The following FAM20B variants were observed in gnomAD, a reference collection of about 807,000 sequenced individuals.
The protein encoded by FAM20B is glycosaminoglycan xylosylkinase.
In FAM20B, 23 loss-of-function variants were observed where a neutral mutation model predicts 43.8. That is an observed-to-expected ratio of 0.53 (90% CI 0.38 to 0.74). FAM20B has a LOEUF of 0.74. Ranked by LOEUF, FAM20B falls within the 30% of genes least tolerant of loss-of-function variation. The pLI is 0.00. For missense variants in FAM20B, 440 were observed against 510.5 expected (o/e 0.86, Z 1.33); for synonymous variants, 178 against 192.4 (o/e 0.93, Z 0.62).
At chr1:179,070,321 C>T (rs1651864814) in intron 7 of FAM20B, among the ~76,000 whole-genome samples, 1 of 152,116 alleles carries the variant, frequency 6.6e-6, no homozygotes, top group African/African-American at 2.4e-5. Flanking sequence ...GCTGGGATTA[C>T]AGGCATGAGC....
chr1:179,048,386 T>C (rs1557872574), intron 2 of FAM20B, among the ~76,000 whole-genome samples: 1 of 152,214 alleles, frequency 6.6e-6, no homozygotes. Context: ...ATTCCTTTTC[T>C]CTTCCCTCCA....
At chr1:179,046,961 C>T (rs906292327) in intron 2 of FAM20B, among the ~76,000 whole-genome samples, 3 of 152,166 alleles carry the variant, frequency 2.0e-5, no homozygotes, top group African/African-American at 7.2e-5. Flanking sequence ...CGCCATTGCA[C>T]TCCAGCCTGG....
At chr1:179,051,748 A>G (rs1041930662) in intron 3 of FAM20B, among the ~76,000 whole-genome samples, 1 of 152,114 alleles carries the variant, frequency 6.6e-6, no homozygotes, top group African/African-American at 2.4e-5. Flanking sequence ...CTGGGTTCAA[A>G]CAGTTATCCT....
chr1:179,064,523 A>G, intron 6 of FAM20B, 27 bp downstream of exon 6: 1 of 1,572,788 alleles, frequency 6.4e-7, no homozygotes, highest in East Asian at 2.3e-5. Context: ...TGTCCTTGTC[A>G]GGGAGGGGTT....
At chr1:179,027,192 A>G (rs1649824036) in intron 1 of FAM20B, among the ~76,000 whole-genome samples, 1 of 152,192 alleles carries the variant, frequency 6.6e-6, no homozygotes, top group African/African-American at 2.4e-5. Context: ...ATAAATCTAT[A>G]ATCTGGTACA....
intron 1 of FAM20B, among the ~76,000 whole-genome samples, chr1:179,032,003 G>C (rs946421529): frequency 6.6e-6 from 1 of 152,100 alleles, no homozygotes; most frequent in African/African-American, 2.4e-5. Context: ...TGCTTTGCAT[G>C]ACACTCACTC....
Position 179,073,979 on chromosome 1 carries a change from G to A in FAM20B, c.*1835G>A, listed in dbSNP as rs921574637. On this transcript the variant is annotated 3_prime_UTR_variant, in exon 8 of 8. Coordinates refer to ENST00000263733, the MANE Select transcript of FAM20B (RefSeq NM_014864.4). ...CTTTGCATTTCTGTCAAGTAGAGGC[G>A]AATATATAAACAGTGTGGTTGAATA... The A allele has an allele frequency of 1.3e-5, 2 of 152,248 alleles. No individual in the cohort carries two copies. Among genetic ancestry groups the A allele is most frequent in the African/African-American group, 2.4e-5 (1 of 41,434 alleles). The allele number at this position is 152,248 out of a possible 1,614,324, so 9.4% of individuals were successfully genotyped here.
Position 179,072,203 on chromosome 1 carries a change from A to T in FAM20B, c.*59A>T. The stretch of plus-strand genomic sequence containing the variant: ...CAAAGATAGAGAAACAGCACAATCA[A>T]TTCCAAATGGTATGAGATGGATTGG... On this transcript the variant is annotated 3_prime_UTR_variant, in exon 8 of 8. Transcript: ENST00000263733. 1 of 1,343,144 alleles carries T rather than the reference A, an allele frequency of 7.4e-7. No homozygotes were observed. 83.2% of individuals were successfully genotyped at this position (1,343,144 alleles called of 1,614,324 possible). A position where few individuals can be genotyped will look rare whatever the true frequency, so the allele number is the denominator to read the frequency against.
chr1:179,065,801 G>A (rs1187200588), intron 6 of FAM20B, among the ~76,000 whole-genome samples: 2 of 152,158 alleles, frequency 1.3e-5, no homozygotes, highest in Non-Finnish European at 2.9e-5. Flanking sequence ...CCCTTAGACT[G>A]GGTAATTCAT....
At chr1:179,050,448 A>G in intron 3 of FAM20B, 83 bp downstream of exon 3, 1 of 891,890 alleles carries the variant, frequency 1.1e-6, no homozygotes, top group Non-Finnish European at 1.9e-6. Context: ...CTCCTTCAGA[A>G]GGATGCAACA....
intron 4 of FAM20B, among the ~76,000 whole-genome samples, chr1:179,059,051 TA>T (rs1365588190): frequency 6.6e-6 from 1 of 152,144 alleles, no homozygotes; most frequent in East Asian, 1.9e-4. Flanking sequence ...CATCCAGGAG[TA>T]AGTGTAGACT....
chr1:179,050,335 A>G lies in FAM20B; in HGVS notation c.434A>G (p.Asn145Ser). 1 of 1,614,038 alleles carries G rather than the reference A, an allele frequency of 6.2e-7. No individual in the cohort carries two copies. Among genetic ancestry groups the G allele is most frequent in the Non-Finnish European group, 8.5e-7 (1 of 1,179,878 alleles). Residue 145 changes from asparagine to serine, a missense_variant, in exon 3 of 8, where the codon AAT becomes AGT. Physicochemically the swap from Asn to Ser is conservative, Grantham distance 46. Coordinates refer to ENST00000263733, the MANE Select transcript of FAM20B (RefSeq NM_014864.4). ...GEPYAGYDRHNAEVAAFHLDR... is the reference protein window; with the variant it reads ...GEPYAGYDRHSAEVAAFHLDR... ...CCGTATGCTGGTTATGATAGACACA[A>G]TGCAGAGGTAGCAGCCTTTCACTTG...
chr1:179,064,514 G>A lies in FAM20B; in HGVS notation c.938+18G>A. Reference sequence around the variant, plus strand: ...GCCAAAAGGTGAGACCAGCAGGACTGTCCTTGTCAGGGAGGGGTTTCTGTA... The same window carrying A: ...GCCAAAAGGTGAGACCAGCAGGACTATCCTTGTCAGGGAGGGGTTTCTGTA... On this transcript the variant is annotated intron_variant, in intron 6 of 7. Coordinates refer to ENST00000263733, the MANE Select transcript of FAM20B (RefSeq NM_014864.4). The A allele has an allele frequency of 2.5e-6, 4 of 1,588,238 alleles. No homozygotes were observed. The highest frequency in any genetic ancestry group is 3.4e-6 in the Non-Finnish European group (4 of 1,159,774).
chr1:179,045,669 C>T (rs1650735265), intron 2 of FAM20B, among the ~76,000 whole-genome samples: 1 of 152,002 alleles, frequency 6.6e-6, no homozygotes, highest in Non-Finnish European at 1.5e-5. Flanking sequence ...CTTGGGGAGG[C>T]CGAGGTGGGT....
intron 1 of FAM20B, among the ~76,000 whole-genome samples, chr1:179,041,693 G>A (rs564753961): frequency 2.1e-5 from 2 of 93,234 alleles, no homozygotes; most frequent in Non-Finnish European, 4.2e-5. Context: ...AGAGGGAGAC[G>A]GGAGACGGGG....
chr1:179,044,661 A>G (rs1650692436), intron 2 of FAM20B, among the ~76,000 whole-genome samples: 1 of 152,176 alleles, frequency 6.6e-6, no homozygotes, highest in Non-Finnish European at 1.5e-5. Context: ...ATAATATTCC[A>G]TTGTCTAGAT....
chr1:179,060,348 C>T (rs900249627), intron 4 of FAM20B, among the ~76,000 whole-genome samples: 3 of 152,062 alleles, frequency 2.0e-5, no homozygotes, highest in African/African-American at 4.8e-5. Flanking sequence ...CCAGAATTAC[C>T]TTGTATATAT....
In FAM20B at chr1:179,076,005, A is replaced by G. The variant is rs1652114602; in HGVS notation, c.*3861A>G. Reference sequence around the variant, plus strand: ...GTCGTATATGTATTCTAGCAAGAAAAACATATTTATTTTGACAAAGGGGAA... The same window carrying G: ...GTCGTATATGTATTCTAGCAAGAAAGACATATTTATTTTGACAAAGGGGAA... On this transcript the variant is annotated 3_prime_UTR_variant, in exon 8 of 8. Transcript: ENST00000263733. 1 of 152,212 alleles carries G rather than the reference A, an allele frequency of 6.6e-6. No individual in the cohort carries two copies. Among genetic ancestry groups the G allele is most frequent in the Non-Finnish European group, 1.5e-5 (1 of 68,036 alleles). 9.4% of individuals were successfully genotyped at this position (152,212 alleles called of 1,614,324 possible).
At chr1:179,046,357 A>G (rs966968184) in intron 2 of FAM20B, among the ~76,000 whole-genome samples, 2 of 152,248 alleles carry the variant, frequency 1.3e-5, no homozygotes, top group East Asian at 1.9e-4. Context: ...TAAAATTTGT[A>G]TATAAAGAGA....
Sources: allele counts gnomAD v4.1 joint callset (sites outside exome capture counted in the v4.1 genomes callset), GRCh38; gene constraint gnomAD v4.1.1; transcripts MANE v1.5; gene names NCBI Gene and HGNC (gene_info 2026-07-23, HGNC 2026-07-21).